Variants in ASIC2 observed in about 807,000 individuals in gnomAD.
The protein encoded by ASIC2 is acid-sensing ion channel 2.
In ASIC2, 25 loss-of-function variants were observed where a neutral mutation model predicts 57.3. The observed-to-expected ratio is 0.44, with a 90% CI of 0.32 to 0.61. ASIC2 has a LOEUF of 0.61. ASIC2 is among the 20% of genes least tolerant of loss of function. The probability of loss-of-function intolerance (pLI) is 0.06; values close to 1 mark genes in which losing one functional copy is unlikely to be tolerated. For missense variants in ASIC2, 641 were observed against 738.1 expected (o/e 0.87, Z 1.52); for synonymous variants, 319 against 307.5 (o/e 1.04, Z -0.39).
At chr17:33,958,147 G>A (rs1051378637) in intron 1 of ASIC2, among the ~76,000 whole-genome samples, 2 of 152,214 alleles carry the variant, frequency 1.3e-5, no homozygotes, top group Admixed American at 1.3e-4. Flanking sequence ...CCATCACTGT[G>A]GCTTTGCAGG....
rs370936924 is a variant in ASIC2 at position 34,103,958 on chromosome 17, T to G, written c.555+52020A>C. On this transcript the variant is annotated intron_variant, in intron 1 of 9. Coordinates refer to the ASIC2 transcript ENST00000359872. ...TAGGTCATATGCATTTCCATATAAA[T>G]TCTAGAATTGTTTTATCTATTTCTA... 3.0e-4 allele frequency among the ~76,000 whole-genome samples: 46 copies of G among 152,324 alleles called. 1 individual carries two copies. The South Asian group carries it at 9.5e-3, about 32-fold the overall frequency.
intron 1 of ASIC2, among the ~76,000 whole-genome samples, chr17:33,437,625 G>A (rs367730711): frequency 4.6e-5 from 7 of 151,890 alleles, no homozygotes; most frequent in Admixed American, 1.3e-4. Flanking sequence ...GTGAAACCTC[G>A]TCTCTACTAA....
At chr17:33,163,637 AC>A (rs1471326404) in intron 1 of ASIC2, among the ~76,000 whole-genome samples, 5 of 152,180 alleles carry the variant, frequency 3.3e-5, no homozygotes, top group East Asian at 1.9e-4. Context: ...GATCCTGGGT[AC>A]TATTCTAGCT....
chr17:33,371,546 ACT>A (rs1909060417), intron 1 of ASIC2, among the ~76,000 whole-genome samples: 1 of 151,906 alleles, frequency 6.6e-6, no homozygotes, highest in Non-Finnish European at 1.5e-5. Flanking sequence ...TCACATCTTG[ACT>A]CTGCCACTGA....
At chr17:33,176,420 C>T (rs972532960) in intron 1 of ASIC2, among the ~76,000 whole-genome samples, 2 of 152,194 alleles carry the variant, frequency 1.3e-5, no homozygotes, top group Admixed American at 1.3e-4. Flanking sequence ...TCATGGCTCA[C>T]TGCAGCCTTG....
chr17:33,832,360 A>T (rs1262085854), intron 1 of ASIC2, among the ~76,000 whole-genome samples: 1 of 152,242 alleles, frequency 6.6e-6, no homozygotes, highest in Non-Finnish European at 1.5e-5. Flanking sequence ...TCATAGTAAC[A>T]GGGCACTAAA....
At position 33,578,717 on chromosome 17, in the gene ASIC2, A is replaced by C. The variant is rs562380481; in HGVS notation, c.556-466650T>G. Among the ~76,000 whole-genome samples, 10 of 152,216 alleles carry C rather than the reference A, an allele frequency of 6.6e-5. No homozygotes were observed. The South Asian group carries it at 1.7e-3, about 25-fold the overall frequency. On this transcript the variant is annotated intron_variant, in intron 1 of 9. Coordinates refer to the ASIC2 transcript ENST00000359872. ...CCAACTCTACAACTGACCCGGCTTG[A>C]CCTTGACAGAGGGGGCACTAATGGC... is the stretch of plus-strand genomic sequence containing the variant.
At chr17:33,925,936 G>A (rs960148929) in intron 1 of ASIC2, among the ~76,000 whole-genome samples, 5 of 152,194 alleles carry the variant, frequency 3.3e-5, no homozygotes, top group African/African-American at 9.7e-5. Flanking sequence ...GTCACAAAAT[G>A]TGTATGTGCC....
Position 33,442,524 on chromosome 17 carries a change from T to A in ASIC2, c.556-330457A>T, listed in dbSNP as rs544958128. 2.8e-4 allele frequency among the ~76,000 whole-genome samples: 43 copies of A among 152,334 alleles called. 1 individual carries two copies. Among genetic ancestry groups the A allele is most frequent in the Middle Eastern group, 3.4e-3 (1 of 294 alleles). Reference sequence around the variant, plus strand: ...AAGTATTTTACTCTTTTTGATGACATCATAAATGGAATCATTTTCCTAATT... The same window carrying A: ...AAGTATTTTACTCTTTTTGATGACAACATAAATGGAATCATTTTCCTAATT... On this transcript the variant is annotated intron_variant, in intron 1 of 9. Transcript: ENST00000359872.
At chr17:33,091,383 T>C (rs2141967769) in intron 2 of ASIC2, among the ~76,000 whole-genome samples, 1 of 152,282 alleles carries the variant, frequency 6.6e-6, no homozygotes, top group East Asian at 1.9e-4. Context: ...AACTGAAGGC[T>C]CCTTCAGTGA....
intron 3 of ASIC2, among the ~76,000 whole-genome samples, chr17:33,087,898 T>C (rs1047692620): frequency 1.3e-5 from 2 of 152,102 alleles, no homozygotes; most frequent in Non-Finnish European, 2.9e-5. Context: ...TTTTATAAAA[T>C]GGCTAAACAG....
intron 1 of ASIC2, among the ~76,000 whole-genome samples, chr17:33,146,236 GA>G (rs1178028730): frequency 2.0e-5 from 3 of 152,332 alleles, no homozygotes; most frequent in Admixed American, 2.0e-4. Flanking sequence ...ACAGTTGAAT[GA>G]ATGAGCAACT....
At chr17:33,549,822 G>A (rs1915690801) in intron 1 of ASIC2, among the ~76,000 whole-genome samples, 1 of 152,130 alleles carries the variant, frequency 6.6e-6, no homozygotes, top group Admixed American at 6.6e-5. Flanking sequence ...CTCACTCCAT[G>A]GTGCCTGGTC....
chr17:33,260,612 C>G (rs880306), intron 1 of ASIC2, among the ~76,000 whole-genome samples: 62,408 of 152,038 alleles, frequency 0.41, 12,998 homozygotes, highest in African/African-American at 0.45. Context: ...CGCTTTTTCT[C>G]GAGAGGTCTT....
At chr17:33,185,822 C>T (rs530951910) in intron 1 of ASIC2, among the ~76,000 whole-genome samples, 3 of 152,286 alleles carry the variant, frequency 2.0e-5, no homozygotes, top group African/African-American at 7.2e-5. Context: ...GTTCTATCAG[C>T]CAGAGTGGAA....
intron 1 of ASIC2, among the ~76,000 whole-genome samples, chr17:33,876,904 A>G (rs1018479909): frequency 1.3e-5 from 2 of 152,212 alleles, no homozygotes; most frequent in Non-Finnish European, 1.5e-5. Flanking sequence ...TGAGTTTGGC[A>G]CGCGTTCAGG....
At chr17:33,244,602 G>A (rs183225946) in intron 1 of ASIC2, among the ~76,000 whole-genome samples, 180 of 152,254 alleles carry the variant, frequency 1.2e-3, no homozygotes, top group Middle Eastern at 3.4e-3. Flanking sequence ...ACTTTACCAC[G>A]AGAATCTATG....
chr17:33,079,943 G>A (rs1406245288), intron 3 of ASIC2, among the ~76,000 whole-genome samples: 1 of 152,162 alleles, frequency 6.6e-6, no homozygotes, highest in Non-Finnish European at 1.5e-5. Flanking sequence ...CAATTATGGG[G>A]TGCAGGTGTG....
chr17:33,897,634 G>A (rs1369751528), intron 1 of ASIC2, among the ~76,000 whole-genome samples: 2 of 152,258 alleles, frequency 1.3e-5, no homozygotes. Context: ...ATGTACCCAT[G>A]TGCTTCATTT....
Sources: allele counts gnomAD v4.1 joint callset (sites outside exome capture counted in the v4.1 genomes callset), GRCh38; gene constraint gnomAD v4.1.1; transcripts MANE v1.5; gene names NCBI Gene and HGNC (gene_info 2026-07-23, HGNC 2026-07-21).